Variants in NMNAT3 observed in about 807,000 individuals in gnomAD.
NMNAT3 encodes the protein nicotinamide nucleotide adenylyltransferase 3, also known as nicotinamide/nicotinic acid mononucleotide adenylyltransferase 3.
A neutral mutation model predicts 24.8 loss-of-function variants in NMNAT3; 21 were observed. The ratio of observed to expected loss-of-function variants is 0.85; its 90% CI spans 0.60 to 1.22. NMNAT3 has a LOEUF of 1.22. Among genes scored for constraint, NMNAT3 ranks in the 50% most tolerant of loss-of-function variants. NMNAT3 has a pLI of 0.00. For synonymous variants in NMNAT3, 136 were observed against 155.2 expected (o/e 0.88, Z 0.92); for missense variants, 387 against 436.6 (o/e 0.89, Z 1.01).
chr3:139,600,306 A>ATTT (rs79173913), intron 3 of NMNAT3, among the ~76,000 whole-genome samples: 3 of 142,776 alleles, frequency 2.1e-5, no homozygotes, highest in Admixed American at 7.1e-5. Context: ...GATAGAAAGG[A>ATTT]TTTTTTTTTT....
intron 3 of NMNAT3, among the ~76,000 whole-genome samples, chr3:139,619,996 C>G (rs2055687507): frequency 6.6e-6 from 1 of 151,904 alleles, no homozygotes; most frequent in South Asian, 2.1e-4. Flanking sequence ...TCAAATTTCT[C>G]CAACTCCCTC....
At position 139,561,390 on chromosome 3, in the gene NMNAT3, C is replaced by A; in HGVS notation, c.661G>T (p.Val221Leu). The change falls in exon 7 of 7, where the codon GTG becomes TTG. Residue 221 changes from valine (V) to leucine (L), a missense_variant and splice_region_variant. Transcript: ENST00000643695. Reference sequence around the variant, plus strand: ...CCACAGAGAAGCTTCAGCTCAGGCACAGCTGCAAAAACAAGGATGGACCCA... The same window carrying A: ...CCACAGAGAAGCTTCAGCTCAGGCAAAGCTGCAAAAACAAGGATGGACCCA... The A allele has an allele frequency of 6.2e-7, 1 of 1,610,882 alleles. No individual in the cohort carries two copies. Among genetic ancestry groups the A allele is most frequent in the Non-Finnish European group, 8.5e-7 (1 of 1,177,782 alleles).
intron 1 of NMNAT3, among the ~76,000 whole-genome samples, chr3:139,638,821 C>T (rs2056598778): frequency 1.3e-5 from 2 of 152,166 alleles, no homozygotes; most frequent in Admixed American, 1.3e-4. Flanking sequence ...CCACCAGTTT[C>T]ACTCTGGATA....
upstream of NMNAT3, chr3:139,678,043 C>T (rs1452410349): frequency 5.2e-5 from 5 of 95,964 alleles, no homozygotes; most frequent in African/African-American, 1.8e-4. Context: ...TGGCCCCGCC[C>T]AGGGTCCTAA....
At chr3:139,654,318 A>C (rs1559958338) in intron 1 of NMNAT3, among the ~76,000 whole-genome samples, 1 of 152,246 alleles carries the variant, frequency 6.6e-6, no homozygotes, top group Non-Finnish European at 1.5e-5. Context: ...AAACTAAGCC[A>C]CTGGCAGACA....
intron 1 of NMNAT3, among the ~76,000 whole-genome samples, chr3:139,648,460 T>C (rs1158749404): frequency 6.6e-6 from 1 of 152,220 alleles, no homozygotes; most frequent in African/African-American, 2.4e-5. Flanking sequence ...AGCAGGAGGC[T>C]GAAGGCATGA....
intron 1 of NMNAT3, among the ~76,000 whole-genome samples, chr3:139,677,294 G>C: frequency 6.6e-6 from 1 of 152,182 alleles, no homozygotes; most frequent in East Asian, 1.9e-4. Context: ...GCTGCACGGG[G>C]GAGGGCACCA....
intron 3 of NMNAT3, among the ~76,000 whole-genome samples, chr3:139,620,278 G>A (rs1011291822): frequency 1.3e-5 from 2 of 150,656 alleles, no homozygotes; most frequent in Non-Finnish European, 1.5e-5. Flanking sequence ...TCTTTAAAGG[G>A]TATATTTGAT....
intron 3 of NMNAT3, among the ~76,000 whole-genome samples, chr3:139,589,090 G>T (rs2054062377): frequency 1.3e-5 from 2 of 152,262 alleles, no homozygotes; most frequent in East Asian, 3.9e-4. Flanking sequence ...GACTAAAACA[G>T]CCACCAGGAG....
Position 139,583,045 on chromosome 3 carries a change from T to C in NMNAT3, c.273A>G (p.Glu91=). ...TGTCATTCAAATCACAGAACGCTTG[T>C]TCTTCAGTTCTTTTGCGTTTAAAAG... Residue 91 remains glutamate (E), a synonymous_variant, in exon 4 of 7, where the codon GAA becomes GAG. Coordinates refer to ENST00000643695, the MANE Select transcript of NMNAT3 (RefSeq NM_001320510.2). 1 of 1,607,836 alleles carries C rather than the reference T, an allele frequency of 6.2e-7. No individual in the cohort carries two copies. Among genetic ancestry groups the C allele is most frequent in the East Asian group, 2.2e-5 (1 of 44,826 alleles).
Position 139,627,778 on chromosome 3 carries a change from A to C in NMNAT3, c.-40-14T>G. 9.6e-7 allele frequency: 1 copy of C among 1,043,142 alleles called. No individual in the cohort carries two copies. The allele number at this position is 1,043,142 out of a possible 1,614,324, so 64.6% of individuals were successfully genotyped here. A position where few individuals can be genotyped will look rare whatever the true frequency, so the allele number is the denominator to read the frequency against. The stretch of plus-strand genomic sequence containing the variant: ...GTGGCCACCCTGCTTTTATGGGGAC[A>C]AAAGCTCATGTCAGGGAGTTAGCAC... On this transcript the variant is annotated splice_polypyrimidine_tract_variant and intron_variant, in intron 2 of 6. Transcript: ENST00000643695.
chr3:139,603,131 G>A (rs2054788045), intron 3 of NMNAT3, among the ~76,000 whole-genome samples: 1 of 152,132 alleles, frequency 6.6e-6, no homozygotes, highest in Non-Finnish European at 1.5e-5. Flanking sequence ...TGGGAAACAC[G>A]AGGGCAAACA....
At chr3:139,634,644 A>G (rs1277647832) in intron 2 of NMNAT3, 1 of 152,118 alleles carries the variant, frequency 6.6e-6, no homozygotes, top group Admixed American at 6.5e-5. Context: ...TCTGCCAGCC[A>G]CCCCTTGGAG....
chr3:139,640,728 T>C (rs1192213557), intron 1 of NMNAT3, among the ~76,000 whole-genome samples: 1 of 152,162 alleles, frequency 6.6e-6, no homozygotes. Flanking sequence ...GGGTACAACA[T>C]AACCAAGTCC....
At chr3:139,676,002 C>T (rs960170394) in intron 1 of NMNAT3, among the ~76,000 whole-genome samples, 26 of 152,196 alleles carry the variant, frequency 1.7e-4, no homozygotes, top group African/African-American at 6.0e-4. Flanking sequence ...GGTCTGTGAC[C>T]ACCAAGCCTG....
chr3:139,600,594 C>G (rs2054670778), intron 3 of NMNAT3, among the ~76,000 whole-genome samples: 1 of 152,182 alleles, frequency 6.6e-6, no homozygotes, highest in African/African-American at 2.4e-5. Flanking sequence ...AGGCCTGCCA[C>G]CTGGATCTAT....
At chr3:139,619,458 A>G (rs1035994137) in intron 3 of NMNAT3, among the ~76,000 whole-genome samples, 4 of 152,186 alleles carry the variant, frequency 2.6e-5, no homozygotes, top group African/African-American at 7.2e-5. Flanking sequence ...GTGATCAATT[A>G]TCTATGTACG....
intron 3 of NMNAT3, among the ~76,000 whole-genome samples, chr3:139,585,328 G>A (rs2053892999): frequency 6.6e-6 from 1 of 152,036 alleles, no homozygotes; most frequent in Non-Finnish European, 1.5e-5. Flanking sequence ...GTTTATTTTG[G>A]TCATAATTTC....
At chr3:139,589,749 C>G (rs2054086123) in intron 3 of NMNAT3, among the ~76,000 whole-genome samples, 1 of 152,184 alleles carries the variant, frequency 6.6e-6, no homozygotes, top group Non-Finnish European at 1.5e-5. Flanking sequence ...CATCCCATAG[C>G]TCACAACATG....
Sources: allele counts gnomAD v4.1 joint callset (sites outside exome capture counted in the v4.1 genomes callset), GRCh38; gene constraint gnomAD v4.1.1; transcripts MANE v1.5; gene names NCBI Gene and HGNC (gene_info 2026-07-23, HGNC 2026-07-21).